NDUFAF3: variants seen among roughly 807,000 people sequenced by gnomAD.
The protein encoded by NDUFAF3 is NADH:ubiquinone oxidoreductase complex assembly factor 3.
NDUFAF3 carries 21 observed loss-of-function variants against 22.6 expected under a neutral mutation model. The observed-to-expected ratio is 0.93, with a 90% confidence interval of 0.66 to 1.34. The LOEUF (loss-of-function observed/expected upper bound fraction) is 1.34, where lower values mean the gene tolerates loss of function less well. Ranked by LOEUF, NDUFAF3 falls within the 40% of genes most tolerant of loss-of-function variation. NDUFAF3 has a pLI of 0.00. For missense variants in NDUFAF3, 251 were observed against 248.4 expected, an observed-to-expected ratio of 1.01 and a Z score of -0.07; for synonymous variants, 113 against 104.9, an observed-to-expected ratio of 1.08 and a Z score of -0.47.
In NDUFAF3 at chr3:49,022,459, A is replaced by G; in HGVS notation, c.191A>G (p.Asn64Ser). ...AAQAMYIDSY[N>S]SRGFMINGNR... ...CAGGCAATGTACATCGACAGCTACA[A>G]CAGCCGCGGCTTCATGATAAACGGA... The change falls in exon 2 of 5, where the codon AAC becomes AGC. Residue 64 changes from asparagine (N) to serine (S), a missense_variant. Coordinates refer to ENST00000326925, the MANE Select transcript of NDUFAF3 (RefSeq NM_199069.2). This position sits in a 1 kb window ranked among gnomAD's most constrained non-coding sequence, Gnocchi z 6.6. 1 of 1,612,638 alleles carries G rather than the reference A, an allele frequency of 6.2e-7. No homozygotes were observed.
rs781705487 is a variant in NDUFAF3, at chr3:49,022,361, G to A, written c.93G>A (p.Gly31=). Residue 31 remains glycine, a synonymous_variant, in exon 2 of 5, where the codon GGG becomes GGA. Coordinates refer to ENST00000326925, the MANE Select transcript of NDUFAF3 (RefSeq NM_199069.2). The surrounding 1 kb of genome is among the most constrained non-coding windows in gnomAD (Gnocchi z 6.6). ...PVELPWAPRR[G]HRLSPADDEL... Reference sequence around the variant, plus strand: ...CCCTCCGCAGGGCCCCGCGGCGAGGGCATCGGCTCTCGCCGGCGGATGACG... The same window carrying A: ...CCCTCCGCAGGGCCCCGCGGCGAGGACATCGGCTCTCGCCGGCGGATGACG... The A allele has an allele frequency of 2.5e-6, 4 of 1,612,082 alleles. No homozygotes were observed. Among genetic ancestry groups the A allele is most frequent in the East Asian group, 4.5e-5 (2 of 44,878 alleles).
At chr3:49,022,096 C>A (rs1230817140), upstream of NDUFAF3, 2 of 1,573,108 alleles carry the variant, frequency 1.3e-6, no homozygotes, top group Non-Finnish European at 1.7e-6. The surrounding 1 kb of genome is among the most constrained non-coding windows in gnomAD (Gnocchi z 6.6). Context: ...GCCCTCCCAA[C>A]CCGGGGACTA....
In NDUFAF3 at chr3:49,022,592, C is replaced by T; in HGVS notation, c.270+54C>T. On this transcript the variant is annotated intron_variant, in intron 2 of 4. Coordinates refer to ENST00000326925, the MANE Select transcript of NDUFAF3 (RefSeq NM_199069.2). The surrounding 1 kb of genome is among the most constrained non-coding windows in gnomAD (Gnocchi z 6.6). ...GAGGCCCAGAGTCACAGGCCCTCAC[C>T]CTGCTTGGTCCCTGCAAACTTGGCT... The T allele has an allele frequency of 6.2e-7, 1 of 1,613,112 alleles. No homozygotes were observed. The highest frequency in any genetic ancestry group is 1.1e-5 in the South Asian group (1 of 91,058).
rs1553735104 is a variant in NDUFAF3, at chr3:49,022,355, G to T, written c.87G>T (p.Arg29=). 1.2e-6 allele frequency: 2 copies of T among 1,612,046 alleles called. No individual in the cohort carries two copies. The highest frequency in any genetic ancestry group is 1.7e-6 in the Non-Finnish European group (2 of 1,179,934). ...CPPVELPWAP[R]RGHRLSPADD... ...CCCTTTCCCTCCGCAGGGCCCCGCG[G>T]CGAGGGCATCGGCTCTCGCCGGCGG... The change falls in exon 2 of 5, where the codon CGG becomes CGT. Residue 29 remains arginine (R), a synonymous_variant. Transcript: ENST00000326925. This position sits in a 1 kb window ranked among gnomAD's most constrained non-coding sequence, Gnocchi z 6.6.
At chr3:49,020,920 G>A, upstream of NDUFAF3, 1 of 255,786 alleles carries the variant, frequency 3.9e-6, no homozygotes. Flanking sequence ...TAGATCCGTG[G>A]GGCAGGATTA....
At chr3:49,022,081 G>A (rs1319521452), upstream of NDUFAF3, 5 of 1,534,926 alleles carry the variant, frequency 3.3e-6, no homozygotes, top group Non-Finnish European at 2.6e-6. This position sits in a 1 kb window ranked among gnomAD's most constrained non-coding sequence, Gnocchi z 6.6. Context: ...GTCAGGCTCC[G>A]CAGGGCCCTC....
chr3:49,023,250 A>C lies in NDUFAF3; in HGVS notation c.*78A>C. The C allele has an allele frequency of 9.3e-7, 1 of 1,069,846 alleles. No individual in the cohort carries two copies. Among genetic ancestry groups the C allele is most frequent in the Non-Finnish European group, 1.5e-6 (1 of 685,132 alleles). 66.3% of individuals were successfully genotyped at this position (1,069,846 alleles called of 1,614,324 possible). A position where few individuals can be genotyped will look rare whatever the true frequency, so the allele number is the denominator to read the frequency against. ...CACTCTTATCTACCCTTTGGCACTT[A>C]TCTTGCTTATCAACATAATAATTTA... On this transcript the variant is annotated 3_prime_UTR_variant, in exon 5 of 5. Transcript: ENST00000326925.
upstream of NDUFAF3, chr3:49,021,572 G>T (rs550768933): frequency 5.1e-5 from 8 of 157,866 alleles, no homozygotes; most frequent in East Asian, 1.4e-3. This position sits in a 1 kb window ranked among gnomAD's most constrained non-coding sequence, Gnocchi z 4.1. Context: ...GAGAACCCGA[G>T]AAGCCAATCC....
upstream of NDUFAF3, chr3:49,020,544 G>T: frequency 2.2e-6 from 1 of 452,980 alleles, no homozygotes; most frequent in South Asian, 1.6e-5. Context: ...CAACTGAGAG[G>T]AACTGAGACC....
chr3:49,020,923 C>G (rs1045201580), upstream of NDUFAF3: 2 of 252,086 alleles, frequency 7.9e-6, no homozygotes, highest in African/African-American at 4.5e-5. Context: ...ATCCGTGGGG[C>G]AGGATTAGCC....
At chr3:49,021,375 C>T (rs1486371497), upstream of NDUFAF3, 6 of 152,604 alleles carry the variant, frequency 3.9e-5, no homozygotes, top group African/African-American at 1.4e-4. The surrounding 1 kb of genome is among the most constrained non-coding windows in gnomAD (Gnocchi z 4.1). Flanking sequence ...ACTCCCAGGA[C>T]GCGAGCAGAG....
At chr3:49,020,875 G>GA, upstream of NDUFAF3, 1 of 291,218 alleles carries the variant, frequency 3.4e-6, no homozygotes, top group Non-Finnish European at 7.2e-6. Context: ...AAGGGGAGGT[G>GA]GGGGCCTCCC....
chr3:49,022,493 G>A lies in NDUFAF3; in HGVS notation c.225G>A (p.Val75=). ...SRGFMINGNR[V]LGPCALLPHS... is the part of the protein sequence containing the mutation. ...GCTTCATGATAAACGGAAACCGCGT[G>A]CTCGGCCCCTGCGCTCTGCTCCCGC... is the stretch of plus-strand genomic sequence containing the variant. Residue 75 remains valine (V), a synonymous_variant, in exon 2 of 5, where the codon GTG becomes GTA. Coordinates refer to ENST00000326925, the MANE Select transcript of NDUFAF3 (RefSeq NM_199069.2). This position sits in a 1 kb window ranked among gnomAD's most constrained non-coding sequence, Gnocchi z 6.6. 1 of 1,613,166 alleles carries A rather than the reference G, an allele frequency of 6.2e-7. No individual in the cohort carries two copies. Among genetic ancestry groups the A allele is most frequent in the Non-Finnish European group, 8.5e-7 (1 of 1,179,984 alleles).
Position 49,023,317 on chromosome 3 carries a change from A to G in NDUFAF3, c.*145A>G. The G allele has an allele frequency of 4.0e-6, 3 of 756,370 alleles. No homozygotes were observed. The South Asian group carries it at 4.3e-5, about 11-fold the overall frequency. 46.9% of individuals were successfully genotyped at this position (756,370 alleles called of 1,614,324 possible). A position where few individuals can be genotyped will look rare whatever the true frequency, so the allele number is the denominator to read the frequency against. On this transcript the variant is annotated 3_prime_UTR_variant, in exon 5 of 5. Coordinates refer to ENST00000326925, the MANE Select transcript of NDUFAF3 (RefSeq NM_199069.2). ...TGTATCAGGTGTGTTGCTGGCCAGG[A>G]GCTGATGGCTCACTGGGCTCTTGGA... is the stretch of plus-strand genomic sequence containing the variant.
chr3:49,020,827 G>A (rs2093149451), upstream of NDUFAF3: 2 of 363,558 alleles, frequency 5.5e-6, no homozygotes, highest in Non-Finnish European at 5.8e-6. Context: ...ACGGAGTCTA[G>A]AGGGAACAAG....
At position 49,023,313 on chromosome 3, in the gene NDUFAF3, CAGG is replaced by C; in HGVS notation, c.*144_*146del. ...ATTTTGTATCAGGTGTGTTGCTGGC[CAGG>C]AGCTGATGGCTCACTGGGCTCTTGG... On this transcript the variant is annotated 3_prime_UTR_variant, in exon 5 of 5. Transcript: ENST00000326925. 1.3e-6 allele frequency: 1 copy of C among 780,148 alleles called. No individual in the cohort carries two copies. Among genetic ancestry groups the C allele is most frequent in the Non-Finnish European group, 2.3e-6 (1 of 438,744 alleles). 48.3% of individuals were successfully genotyped at this position (780,148 alleles called of 1,614,324 possible).
upstream of NDUFAF3, chr3:49,020,506 T>C: frequency 2.4e-6 from 1 of 415,544 alleles, no homozygotes; most frequent in Non-Finnish European, 5.1e-6. Flanking sequence ...CTCCCACGTC[T>C]ACACCCATCA....
At position 49,022,901 on chromosome 3, in the gene NDUFAF3, C is replaced by T. The variant is rs2093176140; in HGVS notation, c.363C>T (p.Asp121=). The T allele has an allele frequency of 6.2e-7, 1 of 1,614,016 alleles. No individual in the cohort carries two copies. The change falls in exon 4 of 5, where the codon GAC becomes GAT. Residue 121 remains aspartate (D), a synonymous_variant. Transcript: ENST00000326925. This position sits in a 1 kb window ranked among gnomAD's most constrained non-coding sequence, Gnocchi z 6.6. ...RIEIVVVGTG[D]RTERLQSQVL... is the part of the protein sequence containing the mutation. Reference sequence around the variant, plus strand: ...AGATCGTGGTGGTGGGGACTGGAGACCGGACCGAGAGGCTGCAGTCCCAGG... The same window carrying T: ...AGATCGTGGTGGTGGGGACTGGAGATCGGACCGAGAGGCTGCAGTCCCAGG...
In NDUFAF3 at chr3:49,022,482, G is replaced by C. The variant is rs780307456; in HGVS notation, c.214G>C (p.Gly72Arg). The change falls in exon 2 of 5, where the codon GGA becomes CGA. Residue 72 changes from glycine (G) to arginine (R), a missense_variant. Physicochemically the swap from Gly to Arg is moderately radical, Grantham distance 125. Coordinates refer to ENST00000326925, the MANE Select transcript of NDUFAF3 (RefSeq NM_199069.2). This position sits in a 1 kb window ranked among gnomAD's most constrained non-coding sequence, Gnocchi z 6.6. ...CAACAGCCGCGGCTTCATGATAAAC[G>C]GAAACCGCGTGCTCGGCCCCTGCGC... ...SYNSRGFMIN[G>R]NRVLGPCALL... is the part of the protein sequence containing the mutation. 1.1e-5 allele frequency: 17 copies of C among 1,613,010 alleles called. No homozygotes were observed. Among genetic ancestry groups the C allele is most frequent in the Non-Finnish European group, 1.4e-5 (17 of 1,179,994 alleles).
Sources: allele counts gnomAD v4.1 joint callset, GRCh38; gene constraint gnomAD v4.1.1; non-coding constraint Gnocchi (gnomAD v3.1); transcripts MANE v1.5; gene names NCBI Gene and HGNC (gene_info 2026-07-23, HGNC 2026-07-21).